The following APBA2 variants were observed in gnomAD, a reference collection of about 807,000 sequenced individuals.
APBA2 encodes the protein amyloid beta precursor protein binding family A member 2.
In APBA2, 30 loss-of-function variants were observed where a neutral mutation model predicts 75.0. That is an observed-to-expected ratio of 0.40 (90% CI 0.30 to 0.54). The LOEUF (loss-of-function observed/expected upper bound fraction) is 0.54, where lower values mean the gene tolerates loss of function less well. Among genes scored for constraint, APBA2 ranks in the 20% least tolerant of loss-of-function variants. The pLI is 0.49. For missense variants in APBA2, 801 were observed against 1,016.1 expected, an observed-to-expected ratio of 0.79 and a Z score of 2.88; for synonymous variants, 444 against 409.6, an observed-to-expected ratio of 1.08 and a Z score of -1.01.
intron 2 of APBA2, among the ~76,000 whole-genome samples, chr15:28,932,053 G>A (rs538686835): frequency 1.9e-4 from 29 of 152,236 alleles, no homozygotes; most frequent in African/African-American, 9.6e-5. Flanking sequence ...CAGGGGATAC[G>A]GCCACACAGG....
intron 4 of APBA2, among the ~76,000 whole-genome samples, chr15:29,072,364 G>A (rs556814750): frequency 1.3e-5 from 2 of 152,298 alleles, no homozygotes; most frequent in South Asian, 2.1e-4. Flanking sequence ...AAATAGCAAA[G>A]TGTCCTCAAC....
intron 3 of APBA2, among the ~76,000 whole-genome samples, chr15:29,050,099 C>CT (rs1352043745): frequency 2.6e-5 from 4 of 152,202 alleles, no homozygotes; most frequent in East Asian, 1.9e-4. Flanking sequence ...TTTCTGAACT[C>CT]TAAGAGTGGA....
intron 1 of APBA2, among the ~76,000 whole-genome samples, chr15:28,893,309 G>T (rs1359830670): frequency 4.6e-5 from 7 of 152,244 alleles, no homozygotes; most frequent in African/African-American, 1.7e-4. Flanking sequence ...GCAGTCACCA[G>T]GTTTAGGGTG....
chr15:28,921,924 A>G (rs1187278583), intron 2 of APBA2, among the ~76,000 whole-genome samples, 175 bp downstream of exon 2: 1 of 152,214 alleles, frequency 6.6e-6, no homozygotes, highest in Non-Finnish European at 1.5e-5. Context: ...TGCTTTCACA[A>G]ACTTCACATA....
At chr15:29,093,268 G>C (rs2043675925) in intron 7 of APBA2, 48 bp downstream of exon 7, 1 of 1,608,606 alleles carries the variant, frequency 6.2e-7, no homozygotes, top group Non-Finnish European at 8.5e-7. Context: ...CACTTTGGGG[G>C]GCACTAGCAG....
At chr15:28,920,559 G>A (rs1014037543) in intron 1 of APBA2, among the ~76,000 whole-genome samples, 2 of 152,230 alleles carry the variant, frequency 1.3e-5, no homozygotes, top group Non-Finnish European at 2.9e-5. Context: ...TCCTTCTTGT[G>A]CTTCAGTATC....
At chr15:29,113,234 T>G (rs2044837841) in intron 13 of APBA2, among the ~76,000 whole-genome samples, 1 of 152,086 alleles carries the variant, frequency 6.6e-6, no homozygotes, top group African/African-American at 2.4e-5. Flanking sequence ...GGCGTCACTT[T>G]TAGGCTGGAA....
chr15:29,056,636 C>CCTCTCTCTCTCTCTCTCT (rs147310000), intron 4 of APBA2, among the ~76,000 whole-genome samples: 2 of 96,256 alleles, frequency 2.1e-5, no homozygotes, highest in African/African-American at 1.0e-4. Flanking sequence ...CTCCCTCCCT[C>CCTCTCTCTCTCTCTCTCT]CTCTCTCTCT....
At chr15:28,924,096 CGA>C (rs2034127668) in intron 2 of APBA2, among the ~76,000 whole-genome samples, 1 of 152,178 alleles carries the variant, frequency 6.6e-6, no homozygotes, top group Non-Finnish European at 1.5e-5. Context: ...CAGTGTCCCA[CGA>C]GGACAGACTC....
chr15:28,897,960 G>T (rs1442205115), intron 1 of APBA2, among the ~76,000 whole-genome samples: 1 of 152,092 alleles, frequency 6.6e-6, no homozygotes, highest in Admixed American at 6.6e-5. Flanking sequence ...ATCTGGGTGG[G>T]CCCTAAATGC....
intron 8 of APBA2, among the ~76,000 whole-genome samples, chr15:29,096,586 C>A (rs2043860971): frequency 1.3e-5 from 2 of 152,264 alleles, no homozygotes; most frequent in African/African-American, 4.8e-5. Flanking sequence ...CTGCTTTCAA[C>A]TCCTTTCTCT....
chr15:29,034,206 T>C (rs2040630469), intron 3 of APBA2, among the ~76,000 whole-genome samples: 1 of 152,180 alleles, frequency 6.6e-6, no homozygotes, highest in South Asian at 2.1e-4. Context: ...ATTGATTAAA[T>C]TGTTGGCCAT....
intron 2 of APBA2, among the ~76,000 whole-genome samples, chr15:28,979,207 C>T (rs953026576): frequency 1.3e-5 from 2 of 152,174 alleles, no homozygotes; most frequent in African/African-American, 4.8e-5. Flanking sequence ...TCCCCCTCCT[C>T]ATCTATCTGT....
At chr15:28,947,816 C>A (rs554538096) in intron 2 of APBA2, among the ~76,000 whole-genome samples, 1 of 152,326 alleles carries the variant, frequency 6.6e-6, no homozygotes, top group East Asian at 1.9e-4. Context: ...CATACTACCT[C>A]ATTTATGGGT....
intron 2 of APBA2, among the ~76,000 whole-genome samples, chr15:28,926,554 T>C (rs1298699408): frequency 2.6e-5 from 4 of 152,184 alleles, no homozygotes; most frequent in Non-Finnish European, 5.9e-5. Flanking sequence ...AATTTATTTT[T>C]ATATCAAATA....
chr15:28,936,484 T>C (rs2034879560), intron 2 of APBA2, among the ~76,000 whole-genome samples: 1 of 152,174 alleles, frequency 6.6e-6, no homozygotes, highest in South Asian at 2.1e-4. Flanking sequence ...GATACACCGG[T>C]TCTGTGTTTC....
In APBA2 at chr15:29,054,770, C is replaced by A. The variant is rs368320674; in HGVS notation, c.886C>A (p.Pro296Thr). 39 of 1,605,664 alleles carry A rather than the reference C, an allele frequency of 2.4e-5. No homozygotes were observed. The highest frequency in any genetic ancestry group is 3.2e-5 in the Non-Finnish European group (38 of 1,179,976). ...TCCCGAGGCCAAGCACCCCGGAGAC[C>A]CCCAGAGAGGCTTCAAGCCCAAGAC... ...LLPEAKHPGDPQRGFKPKTRT... is the reference protein window; with the variant it reads ...LLPEAKHPGDTQRGFKPKTRT... Residue 296 changes from proline to threonine, a missense_variant, in exon 4 of 15, where the codon CCC becomes ACC. This residue lies in a region of APBA2 where 434 missense variants were observed against 471.6 expected (regional missense o/e 0.92). Coordinates refer to ENST00000683413, the MANE Select transcript of APBA2 (RefSeq NM_001353788.2). The surrounding 1 kb of genome is among the most constrained non-coding windows in gnomAD (Gnocchi z 6.1).
At chr15:28,977,743 G>T (rs1256325940) in intron 2 of APBA2, among the ~76,000 whole-genome samples, 1 of 152,142 alleles carries the variant, frequency 6.6e-6, no homozygotes, top group African/African-American at 2.4e-5. Flanking sequence ...TCCTGCTCTC[G>T]TATGTGACAG....
At chr15:29,015,301 T>C (rs565499396) in intron 3 of APBA2, among the ~76,000 whole-genome samples, 25 of 152,322 alleles carry the variant, frequency 1.6e-4, no homozygotes, top group African/African-American at 6.0e-4. Flanking sequence ...GAGCACACTG[T>C]CAATGAGTGC....
Sources: allele counts gnomAD v4.1 joint callset (sites outside exome capture counted in the v4.1 genomes callset), GRCh38; gene constraint gnomAD v4.1.1; regional missense constraint gnomAD v4.1.1; non-coding constraint Gnocchi (gnomAD v3.1); transcripts MANE v1.5; gene names NCBI Gene and HGNC (gene_info 2026-07-23, HGNC 2026-07-21).